The following NCOA2 variants were observed in gnomAD, a reference collection of about 807,000 sequenced individuals.
NCOA2 encodes the protein nuclear receptor coactivator 2.
NCOA2 carries 21 observed loss-of-function variants against 145.1 expected under a neutral mutation model. That is an observed-to-expected ratio of 0.14 (90% CI 0.10 to 0.21). The LOEUF (loss-of-function observed/expected upper bound fraction) is 0.21, where lower values mean the gene tolerates loss of function less well. Ranked by LOEUF, NCOA2 falls within the 10% of genes least tolerant of loss-of-function variation. The pLI is 1.00. For synonymous variants in NCOA2, 619 were observed against 637.5 expected (o/e 0.97, Z 0.44); for missense variants, 1,472 against 1,837.6 (o/e 0.80, Z 3.64).
At chr8:70,256,052 T>A (rs1386467029) in intron 2 of NCOA2, among the ~76,000 whole-genome samples, 1 of 152,194 alleles carries the variant, frequency 6.6e-6, no homozygotes, top group East Asian at 1.9e-4. Flanking sequence ...TACAGAAACC[T>A]TTTACCCTTG....
At chr8:70,199,888 T>C (rs558553533) in intron 4 of NCOA2, among the ~76,000 whole-genome samples, 3 of 152,174 alleles carry the variant, frequency 2.0e-5, no homozygotes, top group African/African-American at 4.8e-5. Context: ...CTCTATATAA[T>C]GTATACAGTC....
chr8:70,403,847 C>CCCTCCTCCTCCTCCTCCTCCTCCTCCT (rs528610374), upstream of NCOA2: 6 of 376,518 alleles, frequency 1.6e-5, no homozygotes, highest in South Asian at 2.7e-4. Flanking sequence ...TCCCCCAACT[C>CCCTCCTCCTCCTCCTCCTCCTCCTCCT]CCTCCTCCTC....
At chr8:70,166,422 T>C (rs973873649) in intron 7 of NCOA2, 144 bp downstream of exon 7, 1 of 937,446 alleles carries the variant, frequency 1.1e-6, no homozygotes, top group Non-Finnish European at 1.7e-6. Context: ...GACTTAAAAA[T>C]TTCCATCACA....
At chr8:70,456,420 G>A in the NCOA2 span, among the ~76,000 whole-genome samples, 2 of 152,160 alleles carry the variant, frequency 1.3e-5, no homozygotes, top group Admixed American at 6.5e-5. Flanking sequence ...AGCGCCGGAC[G>A]TTGTTGAGAA....
chr8:70,382,774 G>A (rs1476171261), intron 1 of NCOA2, among the ~76,000 whole-genome samples: 1 of 152,112 alleles, frequency 6.6e-6, no homozygotes, highest in African/African-American at 2.4e-5. Context: ...TAATACAACC[G>A]ATATGGAAAA....
At chr8:70,338,650 G>T (rs887865780) in intron 1 of NCOA2, among the ~76,000 whole-genome samples, 3 of 152,030 alleles carry the variant, frequency 2.0e-5, no homozygotes, top group African/African-American at 7.2e-5. Flanking sequence ...AAAACTTCAG[G>T]CCAGTATCCT....
intron 1 of NCOA2, among the ~76,000 whole-genome samples, chr8:70,391,041 A>G (rs1813154638): frequency 6.6e-6 from 1 of 152,226 alleles, no homozygotes; most frequent in Non-Finnish European, 1.5e-5. Flanking sequence ...GAGAAAAGGT[A>G]AGGTTAGGTA....
chr8:70,169,782 A>T (rs925846141), intron 6 of NCOA2, among the ~76,000 whole-genome samples: 3 of 152,150 alleles, frequency 2.0e-5, no homozygotes, highest in African/African-American at 7.2e-5. Flanking sequence ...AAAAAATACA[A>T]CAATCTTAAT....
chr8:70,120,669 C>T (rs753028859), intron 22 of NCOA2, among the ~76,000 whole-genome samples: 5 of 151,974 alleles, frequency 3.3e-5, no homozygotes, highest in Non-Finnish European at 5.9e-5. Context: ...TGCAGTGAGC[C>T]AAGACTGTGC....
chr8:70,409,116 T>TAACATGTCAA, the NCOA2 span, among the ~76,000 whole-genome samples: 1 of 152,144 alleles, frequency 6.6e-6, no homozygotes, highest in Admixed American at 6.5e-5. Flanking sequence ...TCATCAGTAT[T>TAACATGTCAA]AACATGTCAA....
chr8:70,199,451 C>CAAAAA (rs1181856736), intron 4 of NCOA2, among the ~76,000 whole-genome samples: 2 of 76,096 alleles, frequency 2.6e-5, no homozygotes, highest in African/African-American at 1.1e-4. Context: ...GACTCCATCT[C>CAAAAA]AAAAAAAAAA....
At chr8:70,172,157 T>C (rs1006955445) in intron 5 of NCOA2, among the ~76,000 whole-genome samples, 1 of 151,966 alleles carries the variant, frequency 6.6e-6, no homozygotes, top group African/African-American at 2.4e-5. Flanking sequence ...AGGAACTCAC[T>C]ATGCTGCCCA....
At chr8:70,325,519 G>A (rs1394126465) in intron 1 of NCOA2, among the ~76,000 whole-genome samples, 2 of 151,574 alleles carry the variant, frequency 1.3e-5, no homozygotes, top group Non-Finnish European at 2.9e-5. Flanking sequence ...AACCTCCTCT[G>A]GCTCAGGTGA....
the NCOA2 span, among the ~76,000 whole-genome samples, chr8:70,447,034 T>C: frequency 6.6e-6 from 1 of 152,182 alleles, no homozygotes; most frequent in African/African-American, 2.4e-5. Context: ...AATTCACACA[T>C]ACTACAGTGA....
chr8:70,127,463 G>C (rs1249602907), intron 18 of NCOA2, among the ~76,000 whole-genome samples: 1 of 152,158 alleles, frequency 6.6e-6, no homozygotes, highest in African/African-American at 2.4e-5. Context: ...AGGTGACGTG[G>C]TGCACTTCAC....
intron 1 of NCOA2, chr8:70,402,320 TC>T (rs1814352706): frequency 6.6e-6 from 1 of 151,894 alleles, no homozygotes; most frequent in Non-Finnish European, 1.5e-5. Context: ...TCAGGCTCGG[TC>T]TCTGGTTTGG....
chr8:70,179,499 G>GT (rs1433704113), intron 4 of NCOA2, among the ~76,000 whole-genome samples: 1 of 152,104 alleles, frequency 6.6e-6, no homozygotes, highest in Non-Finnish European at 1.5e-5. Context: ...ACATATACTG[G>GT]TATCTTGACA....
At chr8:70,421,214 T>C in the NCOA2 span, among the ~76,000 whole-genome samples, 1 of 151,918 alleles carries the variant, frequency 6.6e-6, no homozygotes, top group Non-Finnish European at 1.5e-5. Flanking sequence ...AAAGTTGACA[T>C]GACAGAACTT....
At chr8:70,431,245 C>T in the NCOA2 span, among the ~76,000 whole-genome samples, 1 of 151,858 alleles carries the variant, frequency 6.6e-6, no homozygotes. Flanking sequence ...TATTTCTACC[C>T]CTTTCCAATA....
Sources: allele counts gnomAD v4.1 joint callset (sites outside exome capture counted in the v4.1 genomes callset), GRCh38; gene constraint gnomAD v4.1.1; transcripts MANE v1.5; gene names NCBI Gene and HGNC (gene_info 2026-07-23, HGNC 2026-07-21).